Variants in ARHGEF4 observed in about 807,000 individuals in gnomAD.
The protein encoded by ARHGEF4 is Rho guanine nucleotide exchange factor 4, also known as APC-stimulated guanine nucleotide exchange factor 1.
ARHGEF4 carries 119 observed loss-of-function variants against 162.0 expected under a neutral mutation model. The observed-to-expected ratio is 0.73, with a 90% CI of 0.63 to 0.86. ARHGEF4 has a LOEUF of 0.86. ARHGEF4 is among the 40% of genes least tolerant of loss of function. The pLI is 0.00. For synonymous variants in ARHGEF4, 1,014 were observed against 979.9 expected, an observed-to-expected ratio of 1.03 and a Z score of -0.65; for missense variants, 2,488 against 2,456.0, an observed-to-expected ratio of 1.01 and a Z score of -0.28.
At chr2:130,957,647 G>A (rs187881908) in intron 4 of ARHGEF4, among the ~76,000 whole-genome samples, 3 of 152,250 alleles carry the variant, frequency 2.0e-5, no homozygotes, top group East Asian at 1.9e-4. Context: ...CCTATACCCC[G>A]ATATGATGGT....
At chr2:130,906,592 G>A (rs1237068007) in intron 1 of ARHGEF4, among the ~76,000 whole-genome samples, 1 of 152,184 alleles carries the variant, frequency 6.6e-6, no homozygotes, top group Non-Finnish European at 1.5e-5. Context: ...GGTATTTAGA[G>A]ACCAGCCTGG....
intron 1 of ARHGEF4, among the ~76,000 whole-genome samples, chr2:130,899,041 G>A (rs1488257557): frequency 6.6e-6 from 1 of 152,154 alleles, no homozygotes; most frequent in African/African-American, 2.4e-5. Flanking sequence ...CAGCCAGCAA[G>A]GAAGCATCAG....
chr2:130,854,184 T>C (rs1050605351), intron 1 of ARHGEF4, among the ~76,000 whole-genome samples: 2 of 152,312 alleles, frequency 1.3e-5, no homozygotes, highest in South Asian at 2.1e-4. Flanking sequence ...AATTACATCA[T>C]AGCTGTAAGG....
At chr2:130,867,154 G>T (rs1346954593) in intron 1 of ARHGEF4, among the ~76,000 whole-genome samples, 1 of 151,906 alleles carries the variant, frequency 6.6e-6, no homozygotes, top group Non-Finnish European at 1.5e-5. Flanking sequence ...CAAACTGGGG[G>T]GTATAGAGCT....
intron 5 of ARHGEF4, chr2:131,034,962 C>T: frequency 4.1e-6 from 4 of 983,102 alleles, no homozygotes; most frequent in Non-Finnish European, 4.8e-6. Context: ...GCGCGCACGG[C>T]GCCGGCTTCG....
intron 13 of ARHGEF4, chr2:131,045,669 A>G: frequency 1.3e-6 from 2 of 1,493,572 alleles, no homozygotes; most frequent in Non-Finnish European, 1.8e-6. Context: ...TGGCTCCCCC[A>G]GATCAGGGCC....
chr2:131,028,209 T>A, intron 5 of ARHGEF4, 125 bp downstream of exon 5: 1 of 1,353,146 alleles, frequency 7.4e-7, no homozygotes, highest in Non-Finnish European at 1.0e-6. Context: ...GTGCTGGCCA[T>A]ACACAGCGCA....
At chr2:130,966,762 C>T (rs1452042829) in intron 4 of ARHGEF4, among the ~76,000 whole-genome samples, 2 of 152,190 alleles carry the variant, frequency 1.3e-5, no homozygotes, top group East Asian at 3.9e-4. Flanking sequence ...TTCCTGGATG[C>T]CAGCTTTCCT....
At chr2:130,900,538 T>C (rs1272069945) in intron 1 of ARHGEF4, among the ~76,000 whole-genome samples, 4 of 152,228 alleles carry the variant, frequency 2.6e-5, no homozygotes, top group African/African-American at 9.6e-5. Flanking sequence ...CTATGATTTG[T>C]ATTTGCTTCC....
At chr2:130,875,057 C>T (rs1183914103) in intron 1 of ARHGEF4, among the ~76,000 whole-genome samples, 1 of 152,166 alleles carries the variant, frequency 6.6e-6, no homozygotes, top group African/African-American at 2.4e-5. Context: ...TGCTATTTTG[C>T]TGACATCATT....
chr2:131,034,543 C>T (rs952113552), intron 5 of ARHGEF4, among the ~76,000 whole-genome samples: 1 of 152,184 alleles, frequency 6.6e-6, no homozygotes, highest in African/African-American at 2.4e-5. Flanking sequence ...TGCATTCCTG[C>T]GCGATTTTAT....
chr2:130,868,777 A>C (rs1682478151), intron 1 of ARHGEF4, among the ~76,000 whole-genome samples: 1 of 152,188 alleles, frequency 6.6e-6, no homozygotes, highest in Admixed American at 6.5e-5. Context: ...GAAGGACCGA[A>C]GCCCAAAGCC....
At chr2:130,950,391 G>C (rs13420342) in intron 4 of ARHGEF4, among the ~76,000 whole-genome samples, 5 of 152,088 alleles carry the variant, frequency 3.3e-5, no homozygotes. Context: ...TCCAGAGTTC[G>C]TGCCTGTGGC....
At chr2:130,863,909 G>A (rs971090695) in intron 1 of ARHGEF4, among the ~76,000 whole-genome samples, 11 of 123,424 alleles carry the variant, frequency 8.9e-5, no homozygotes, top group Non-Finnish European at 1.5e-4. Flanking sequence ...GTTAGGCGGG[G>A]CACAGTGGCT....
At chr2:130,854,643 A>T (rs977838588) in intron 1 of ARHGEF4, among the ~76,000 whole-genome samples, 1 of 152,096 alleles carries the variant, frequency 6.6e-6, no homozygotes, top group Admixed American at 6.5e-5. Flanking sequence ...CAGTGCCCCC[A>T]TCTCATCTCA....
intron 1 of ARHGEF4, among the ~76,000 whole-genome samples, chr2:130,897,383 C>T (rs1369182702): frequency 2.0e-5 from 3 of 152,152 alleles, no homozygotes; most frequent in Non-Finnish European, 4.4e-5. Context: ...AGGCCCTGTG[C>T]TTCCGCGGAG....
At chr2:130,888,701 A>G (rs1363934660) in intron 1 of ARHGEF4, among the ~76,000 whole-genome samples, 1 of 152,136 alleles carries the variant, frequency 6.6e-6, no homozygotes, top group Non-Finnish European at 1.5e-5. Context: ...ATCCTCTGCT[A>G]CTGATTTCTA....
At chr2:131,036,955 T>C (rs1160868798) in intron 5 of ARHGEF4, among the ~76,000 whole-genome samples, 4 of 152,158 alleles carry the variant, frequency 2.6e-5, no homozygotes, top group African/African-American at 9.7e-5. Flanking sequence ...TCCTACCATA[T>C]GGTCGCCTGA....
intron 2 of ARHGEF4, among the ~76,000 whole-genome samples, chr2:130,923,926 G>C (rs1682054911): frequency 6.6e-6 from 1 of 150,996 alleles, no homozygotes; most frequent in South Asian, 2.1e-4. Flanking sequence ...TGTCGCCCAG[G>C]CTGGAGTGCA....
Sources: gnomAD v4.1 joint callset for allele counts (sites outside exome capture counted in the v4.1 genomes callset) on GRCh38, gnomAD v4.1.1 for gene constraint, MANE v1.5 for transcripts, NCBI Gene and HGNC (gene_info 2026-07-23, HGNC 2026-07-21) for gene names.